Variants in EMSY observed in about 807,000 individuals in gnomAD.
EMSY encodes EMSY transcriptional repressor, BRCA2 interacting, also known as BRCA2-interacting transcriptional repressor EMSY.
A neutral mutation model predicts 134.6 loss-of-function variants in EMSY; 26 were observed. The observed-to-expected ratio is 0.19, with a 90% CI of 0.14 to 0.27. The LOEUF (loss-of-function observed/expected upper bound fraction) is 0.27. EMSY is among the 10% of genes least tolerant of loss of function. The pLI is 1.00. For missense variants in EMSY, 1,305 were observed against 1,611.4 expected (o/e 0.81, Z 3.26); for synonymous variants, 579 against 577.8 (o/e 1.00, Z -0.03).
chr11:76,503,300 CA>C (rs61098325), intron 9 of EMSY, among the ~76,000 whole-genome samples: 284 of 70,776 alleles, frequency 4.0e-3, no homozygotes, highest in South Asian at 0.024. Flanking sequence ...GGCGTGGTCT[CA>C]AAAAAAAAAA....
At chr11:76,491,406 T>C (rs1026746241) in intron 8 of EMSY, among the ~76,000 whole-genome samples, 1 of 152,088 alleles carries the variant, frequency 6.6e-6, no homozygotes, top group Non-Finnish European at 1.5e-5. Flanking sequence ...GCTCTTGAAC[T>C]CCTGACCTCA....
chr11:76,518,431 G>A (rs1230006414), intron 11 of EMSY, among the ~76,000 whole-genome samples: 6 of 151,308 alleles, frequency 4.0e-5, no homozygotes, highest in Non-Finnish European at 5.9e-5. Context: ...GCCACCCAAA[G>A]TGCTGGGATT....
chr11:76,510,920 T>C (rs1950252524), intron 9 of EMSY, among the ~76,000 whole-genome samples: 1 of 152,214 alleles, frequency 6.6e-6, no homozygotes, highest in Non-Finnish European at 1.5e-5. Context: ...ACCACAGATT[T>C]TGCCTTTCTC....
intron 8 of EMSY, among the ~76,000 whole-genome samples, chr11:76,485,563 A>G (rs182476517): frequency 6.6e-6 from 1 of 152,316 alleles, no homozygotes; most frequent in African/African-American, 2.4e-5. Flanking sequence ...AATAAGAGCT[A>G]TTTATCACAA....
intron 9 of EMSY, among the ~76,000 whole-genome samples, chr11:76,504,515 A>C (rs1949998713): frequency 6.6e-6 from 1 of 152,202 alleles, no homozygotes; most frequent in Non-Finnish European, 1.5e-5. Context: ...CCTAGAATCA[A>C]TGTAACAGAA....
At chr11:76,502,624 C>T (rs925074731) in intron 9 of EMSY, among the ~76,000 whole-genome samples, 1 of 151,258 alleles carries the variant, frequency 6.6e-6, no homozygotes, top group Admixed American at 6.6e-5. Context: ...TTGCGGGATA[C>T]AAAGTCAACA....
intron 7 of EMSY, among the ~76,000 whole-genome samples, chr11:76,464,307 G>A (rs2135186622): frequency 6.6e-6 from 1 of 152,246 alleles, no homozygotes. Context: ...ATATGACACA[G>A]CCGAATCTCT....
At chr11:76,515,938 ATTAAT>A (rs1365281173) in intron 10 of EMSY, among the ~76,000 whole-genome samples, 199 bp from the exon 12 acceptor site, 1 of 152,240 alleles carries the variant, frequency 6.6e-6, no homozygotes, top group Non-Finnish European at 1.5e-5. Flanking sequence ...TATGTGTAAA[ATTAAT>A]TTAAATTGAC....
chr11:76,518,553 G>A, intron 11 of EMSY, among the ~76,000 whole-genome samples: 1 of 151,644 alleles, frequency 6.6e-6, no homozygotes, highest in Non-Finnish European at 1.5e-5. Flanking sequence ...GGGAGAATTT[G>A]GAAACTACAG....
At chr11:76,549,485 G>A (rs1951770235) in intron 20 of EMSY, among the ~76,000 whole-genome samples, 1 of 138,818 alleles carries the variant, frequency 7.2e-6, no homozygotes, top group African/African-American at 2.6e-5. Context: ...GATAATAAAG[G>A]GCAAAATTAG....
chr11:76,499,076 C>T (rs888226737), intron 9 of EMSY, among the ~76,000 whole-genome samples: 1 of 152,106 alleles, frequency 6.6e-6, no homozygotes, highest in African/African-American at 2.4e-5. Context: ...AGTCTCCTGC[C>T]TCAGTCTCCC....
intron 5 of EMSY, chr11:76,459,263 G>T (rs1417400254): frequency 6.6e-6 from 1 of 152,194 alleles, no homozygotes; most frequent in Admixed American, 6.5e-5. Context: ...TGAGCCTTGG[G>T]TTCCTCATCT....
chr11:76,518,657 C>T (rs945033046), intron 11 of EMSY, among the ~76,000 whole-genome samples: 5 of 133,932 alleles, frequency 3.7e-5, no homozygotes, highest in African/African-American at 1.3e-4. Flanking sequence ...TTTTTCTATT[C>T]GTTTGTATAA....
chr11:76,528,244 A>C (rs1950913079), intron 13 of EMSY, 24 bp from the exon 15 acceptor site: 56 of 1,591,010 alleles, frequency 3.5e-5, no homozygotes, highest in Non-Finnish European at 4.7e-5. Context: ...ATTTTATCTC[A>C]GTATATTTCT....
chr11:76,481,461 A>G (rs1207038678), intron 8 of EMSY, among the ~76,000 whole-genome samples: 1 of 152,162 alleles, frequency 6.6e-6, no homozygotes, highest in Non-Finnish European at 1.5e-5. Context: ...AGCAAATCCC[A>G]ACCCCATGGA....
chr11:76,507,463 C>CT (rs1393176901), intron 9 of EMSY, among the ~76,000 whole-genome samples: 17 of 152,218 alleles, frequency 1.1e-4, no homozygotes, highest in African/African-American at 3.6e-4. Context: ...GCTTTATCAA[C>CT]TAAGTTTATA....
chr11:76,505,784 G>C lies in EMSY; in HGVS notation c.1364-7602G>C, dbSNP rs534783253. Among the ~76,000 whole-genome samples the C allele has an allele frequency of 1.2e-4, 19 of 152,188 alleles. 1 individual carries two copies. The South Asian group carries it at 2.7e-3, about 22-fold the overall frequency. On this transcript the variant is annotated intron_variant, in intron 9 of 20. Coordinates refer to ENST00000334736, the Ensembl canonical transcript of EMSY. ...AGGCAGGAGAATCGCGTGAACCCGG[G>C]GGGTGGAGCTTGCAGTGAACCAAGA...
At chr11:76,502,601 G>A (rs377520610) in intron 9 of EMSY, among the ~76,000 whole-genome samples, 18 of 150,834 alleles carry the variant, frequency 1.2e-4, no homozygotes, top group East Asian at 9.7e-4. Flanking sequence ...TAAATGAGAC[G>A]TGTTTGGAAA....
At chr11:76,516,995 A>T (rs1245975501) in intron 11 of EMSY, among the ~76,000 whole-genome samples, 1 of 152,132 alleles carries the variant, frequency 6.6e-6, no homozygotes, top group South Asian at 2.1e-4. Context: ...GTGGACCCTA[A>T]TGTGGAATGT....
Sources: allele counts gnomAD v4.1 joint callset (sites outside exome capture counted in the v4.1 genomes callset), GRCh38; gene constraint gnomAD v4.1.1; transcripts MANE v1.5; gene names NCBI Gene and HGNC (gene_info 2026-07-23, HGNC 2026-07-21).